Variants in RANBP2 observed in about 807,000 individuals in gnomAD.
The protein encoded by RANBP2 is E3 SUMO-protein ligase RanBP2.
Under a neutral mutation model 303.6 loss-of-function variants are expected in RANBP2, and 57 were observed. That is an observed-to-expected ratio of 0.19 (90% confidence interval 0.15 to 0.23). The LOEUF is 0.23. RANBP2 is among the 10% of genes least tolerant of loss of function. The pLI is 1.00. For synonymous variants in RANBP2, 1,167 were observed against 1,301.5 expected, an observed-to-expected ratio of 0.90 and a Z score of 2.23; for missense variants, 3,138 against 3,780.8, an observed-to-expected ratio of 0.83 and a Z score of 4.46.
the RANBP2 span, chr2:109,545,486 T>C: frequency 4.3e-5 from 66 of 1,536,044 alleles, no homozygotes; most frequent in East Asian, 8.5e-4. Flanking sequence ...ACGTCCACCA[T>C]TGGTTTCACA....
the RANBP2 span, among the ~76,000 whole-genome samples, chr2:109,297,315 C>T: frequency 2.6e-5 from 4 of 152,116 alleles, no homozygotes; most frequent in Admixed American, 1.3e-4. Flanking sequence ...CTTCCATCTT[C>T]GATGAGACCC....
the RANBP2 span, among the ~76,000 whole-genome samples, chr2:109,064,245 G>A: frequency 6.6e-6 from 1 of 151,836 alleles, no homozygotes; most frequent in African/African-American, 2.4e-5. Context: ...CGAGGTGGGC[G>A]GATCACAAGG....
the RANBP2 span, among the ~76,000 whole-genome samples, chr2:109,518,166 G>A: frequency 0.029 from 4,378 of 152,274 alleles, 224 homozygotes; most frequent in African/African-American, 0.099. Flanking sequence ...AATAAGTGTG[G>A]GCAATTGTTT....
the RANBP2 span, among the ~76,000 whole-genome samples, chr2:109,338,023 C>T: frequency 1.3e-3 from 191 of 152,196 alleles, 4 homozygotes; most frequent in East Asian, 0.029. Flanking sequence ...TGAGCCACCG[C>T]GCCCAGGCTC....
At chr2:109,457,215 T>A in the RANBP2 span, among the ~76,000 whole-genome samples, 1 of 152,202 alleles carries the variant, frequency 6.6e-6, no homozygotes, top group Non-Finnish European at 1.5e-5. Flanking sequence ...GAAATTATTA[T>A]TAAGAATTTG....
the RANBP2 span, among the ~76,000 whole-genome samples, chr2:108,853,690 C>G: frequency 6.7e-6 from 1 of 149,498 alleles, no homozygotes; most frequent in Non-Finnish European, 1.5e-5. Context: ...CGATGACCAT[C>G]TAATTTTTTA....
At chr2:109,357,740 T>G in the RANBP2 span, among the ~76,000 whole-genome samples, 67 of 152,324 alleles carry the variant, frequency 4.4e-4, no homozygotes, top group African/African-American at 1.5e-3. Context: ...GTGGTGCTAT[T>G]TTAGATTTTT....
Position 108,775,913 on chromosome 2 carries a change from T to G in RANBP2, c.8474T>G (p.Ile2825Ser), listed in dbSNP as rs781456355. 2.5e-6 allele frequency: 4 copies of G among 1,611,054 alleles called. No homozygotes were observed. Among genetic ancestry groups the G allele is most frequent in the Non-Finnish European group, 3.4e-6 (4 of 1,179,782 alleles). ...GTAGATTTGTCAACTAGAAAGGAAA[T>G]TGATACAGATTCTACAAGCCAAGGT... ...KPVDLSTRKE[I>S]DTDSTSQGES... The change falls in exon 24 of 29, where the codon ATT becomes AGT. Residue 2825 changes from isoleucine to serine, a missense_variant. This residue lies in a region of RANBP2 where 497 missense variants were observed against 465.8 expected (regional missense o/e 1.07). Transcript: ENST00000283195.
chr2:109,398,728 G>T, the RANBP2 span: 1 of 1,613,284 alleles, frequency 6.2e-7, no homozygotes, highest in Non-Finnish European at 8.5e-7. Context: ...CAGCTCAGGG[G>T]CGGTCAGTGC....
At chr2:109,351,338 G>A in the RANBP2 span, among the ~76,000 whole-genome samples, 18 of 152,196 alleles carry the variant, frequency 1.2e-4, no homozygotes, top group Admixed American at 1.2e-3. Flanking sequence ...GGAGCACCTC[G>A]CCTTCCCAGT....
At chr2:109,563,722 C>G in the RANBP2 span, among the ~76,000 whole-genome samples, 1 of 152,190 alleles carries the variant, frequency 6.6e-6, no homozygotes, top group East Asian at 1.9e-4. Context: ...CTCCAACTCC[C>G]TACAAGCACT....
the RANBP2 span, among the ~76,000 whole-genome samples, chr2:108,892,375 C>T: frequency 6.6e-6 from 1 of 152,176 alleles, no homozygotes; most frequent in Admixed American, 6.5e-5. Flanking sequence ...CACTTCCTGG[C>T]ATCAGCAACT....
the RANBP2 span, chr2:109,615,365 C>T: frequency 4.3e-6 from 7 of 1,612,944 alleles, no homozygotes; most frequent in South Asian, 3.3e-5. Context: ...GCGAGCCCGG[C>T]CTGCTGGTCA....
the RANBP2 span, among the ~76,000 whole-genome samples, chr2:109,509,095 G>A: frequency 6.6e-6 from 1 of 152,156 alleles, no homozygotes; most frequent in Non-Finnish European, 1.5e-5. Context: ...GACTTGCCTG[G>A]GTCTGGGCAT....
At chr2:108,986,357 G>A in the RANBP2 span, among the ~76,000 whole-genome samples, 2 of 152,110 alleles carry the variant, frequency 1.3e-5, no homozygotes, top group African/African-American at 2.4e-5. Flanking sequence ...GGGCTGACAC[G>A]ACCCTGGGAA....
chr2:109,476,382 G>C, the RANBP2 span, among the ~76,000 whole-genome samples: 13 of 152,150 alleles, frequency 8.5e-5, no homozygotes, highest in African/African-American at 3.1e-4. Context: ...GTAGCCCCTG[G>C]GTGAGGTACT....
At chr2:108,826,654 A>T in the RANBP2 span, among the ~76,000 whole-genome samples, 286 of 152,284 alleles carry the variant, frequency 1.9e-3, 2 homozygotes, top group Non-Finnish European at 4.0e-4. Context: ...TCATTACTGT[A>T]GCTTTGTAGT....
At chr2:109,257,115 A>G in the RANBP2 span, among the ~76,000 whole-genome samples, 3 of 152,156 alleles carry the variant, frequency 2.0e-5, no homozygotes, top group Non-Finnish European at 4.4e-5. Flanking sequence ...AAAGCCACTG[A>G]ATCCCTCATG....
the RANBP2 span, among the ~76,000 whole-genome samples, chr2:109,470,997 A>G: frequency 2.0e-5 from 3 of 152,148 alleles, no homozygotes; most frequent in African/African-American, 7.2e-5. Context: ...AGGAGGGCAG[A>G]TCACTTGAGG....
Sources: gnomAD v4.1 joint callset for allele counts (sites outside exome capture counted in the v4.1 genomes callset) on GRCh38, gnomAD v4.1.1 for gene constraint, gnomAD v4.1.1 regional missense constraint, MANE v1.5 for transcripts, NCBI Gene and HGNC (gene_info 2026-07-23, HGNC 2026-07-21) for gene names.